The following ACLY variants were observed in gnomAD, a reference collection of about 807,000 sequenced individuals.
ACLY encodes the protein ATP citrate lyase, also known as ATP-citrate synthase.
ACLY carries 41 observed loss-of-function variants against 133.0 expected under a neutral mutation model. The observed-to-expected ratio is 0.31, with a 90% CI of 0.24 to 0.40. The LOEUF is 0.40. Ranked by LOEUF, ACLY falls within the 10% of genes least tolerant of loss-of-function variation. The pLI is 1.00. For synonymous variants in ACLY, 495 were observed against 549.3 expected, an observed-to-expected ratio of 0.90 and a Z score of 1.38; for missense variants, 1,046 against 1,453.8, an observed-to-expected ratio of 0.72 and a Z score of 4.56.
chr17:41,921,944 C>T (rs1165888867), upstream of ACLY, among the ~76,000 whole-genome samples: 3 of 152,156 alleles, frequency 2.0e-5, no homozygotes, highest in African/African-American at 7.2e-5. Flanking sequence ...GCCTGTAATC[C>T]CAGCACTTTG....
At position 41,897,757 on chromosome 17, in the gene ACLY, A is replaced by ATGGCAGGCTTGGCCTTCT; in HGVS notation, c.1403_1420dup (p.Lys468_Ala473dup). ...AAGCCTCAGGGAGTTACCTTGTGGC[A>ATGGCAGGCTTGGCCTTCT]TGGCAGGCTTGGCCTTCTTTGCAGG... On this transcript the variant is annotated inframe_insertion, in exon 13 of 29. Transcript: ENST00000352035. The ATGGCAGGCTTGGCCTTCT allele has an allele frequency of 1.2e-6, 2 of 1,612,878 alleles. No individual in the cohort carries two copies. The highest frequency in any genetic ancestry group is 1.7e-6 in the Non-Finnish European group (2 of 1,179,580).
chr17:41,883,364 A>C, intron 19 of ACLY, 132 bp from the exon 20 acceptor site: 1 of 671,804 alleles, frequency 1.5e-6, no homozygotes. Context: ...GACACAAGGA[A>C]GATTTCTAAA....
intron 26 of ACLY, 109 bp downstream of exon 26, chr17:41,869,365 T>C (rs1555624613): frequency 1.0e-6 from 1 of 966,144 alleles, no homozygotes; most frequent in African/African-American, 1.6e-5. Context: ...ATAACATTTC[T>C]AGAAAACTAG....
chr17:41,887,779 C>T, intron 16 of ACLY, 76 bp from the exon 17 acceptor site: 2 of 1,179,866 alleles, frequency 1.7e-6, no homozygotes, highest in Non-Finnish European at 1.3e-6. Flanking sequence ...GTTTAAGGGC[C>T]CACCTCCCAT....
chr17:41,927,700 C>G (rs1443470186), intron 1 of ACLY, among the ~76,000 whole-genome samples: 3 of 151,958 alleles, frequency 2.0e-5, no homozygotes, highest in Admixed American at 6.6e-5. Context: ...GTGGTGCACA[C>G]CTGTAGTCCC....
chr17:41,904,462 A>G, intron 10 of ACLY: 1 of 487,262 alleles, frequency 2.1e-6, no homozygotes, highest in Non-Finnish European at 3.7e-6. Context: ...CTGAGAAGGA[A>G]GAAAGCAGAA....
At chr17:41,909,453 G>C in intron 5 of ACLY, 57 bp downstream of exon 5, 1 of 1,574,820 alleles carries the variant, frequency 6.3e-7, no homozygotes, top group Non-Finnish European at 8.7e-7. Flanking sequence ...TCTGTGCCCA[G>C]AGCCTGTCGG....
In ACLY at chr17:41,878,151, G is replaced by C. The variant is rs983727579; in HGVS notation, c.2439C>G (p.Ala813=). The change falls in exon 22 of 29, where the codon GCC becomes GCG. Residue 813 remains alanine, a synonymous_variant. Transcript: ENST00000352035. ...DLVANGVIVP[A]QEVPPPTVPM... is the part of the protein sequence containing the mutation. ...GCACGGTTGGGGGCGGCACCTCCTG[G>C]GCAGGTACAATGACTCCATTGGCCA... 1.3e-6 allele frequency: 2 copies of C among 1,595,278 alleles called. No individual in the cohort carries two copies. The highest frequency in any genetic ancestry group is 3.5e-5 in the Admixed American group (2 of 57,814).
intron 4 of ACLY, 99 bp downstream of exon 4, chr17:41,910,123 G>T: frequency 8.0e-7 from 1 of 1,245,600 alleles, no homozygotes; most frequent in Non-Finnish European, 1.1e-6. Context: ...TGGTCCCTCT[G>T]ACTGTCCTCA....
At chr17:41,875,092 T>C (rs1485253899) in intron 22 of ACLY, among the ~76,000 whole-genome samples, 1 of 151,966 alleles carries the variant, frequency 6.6e-6, no homozygotes, top group African/African-American at 2.4e-5. Flanking sequence ...CTTATGCCTG[T>C]AATCTCAGCA....
At chr17:41,918,986 G>C (rs936312560), upstream of ACLY, 24 of 1,287,760 alleles carry the variant, frequency 1.9e-5, no homozygotes, top group East Asian at 5.6e-5. Context: ...CTTTTGTCCC[G>C]GCCCAGCCGG....
intron 7 of ACLY, 81 bp downstream of exon 7, chr17:41,907,361 G>A (rs1383758154): frequency 7.2e-7 from 1 of 1,383,772 alleles, no homozygotes; most frequent in Admixed American, 1.9e-5. Context: ...CTCATGAAGG[G>A]GGGCCAAATG....
At position 41,867,756 on chromosome 17, in the gene ACLY, T is replaced by C. The variant is rs2048501145; in HGVS notation, c.*54A>G. On this transcript the variant is annotated 3_prime_UTR_variant, in exon 29 of 29. Coordinates refer to ENST00000352035, the MANE Select transcript of ACLY (RefSeq NM_001096.3). ...CACTGCCAGCTGTCTGTACACTTTT[T>C]CTTGGGGGAAGAGATCTTGTCTTCA... 1.4e-6 allele frequency: 2 copies of C among 1,454,084 alleles called. No individual in the cohort carries two copies. Among genetic ancestry groups the C allele is most frequent in the Non-Finnish European group, 1.9e-6 (2 of 1,052,548 alleles). The allele number at this position is 1,454,084 out of a possible 1,614,324, so 90.1% of individuals were successfully genotyped here.
chr17:41,926,647 T>C (rs943410422), intron 1 of ACLY, among the ~76,000 whole-genome samples: 1 of 150,060 alleles, frequency 6.7e-6, no homozygotes, highest in Non-Finnish European at 1.5e-5. Flanking sequence ...TGCCACCATG[T>C]CCGGCTAATT....
chr17:41,917,000 G>A (rs1371136411), intron 1 of ACLY, among the ~76,000 whole-genome samples: 1 of 151,712 alleles, frequency 6.6e-6, no homozygotes. Context: ...AAAATTAGCC[G>A]GGCGTGGTGG....
chr17:41,900,658 G>C (rs2049512605), intron 11 of ACLY, among the ~76,000 whole-genome samples: 3 of 152,006 alleles, frequency 2.0e-5, no homozygotes, highest in African/African-American at 7.2e-5. Context: ...CCACAAGGTG[G>C]AGGCCGCAAT....
chr17:41,892,633 C>A (rs1555629569), intron 15 of ACLY, among the ~76,000 whole-genome samples, 186 bp from the exon 16 acceptor site: 1 of 151,974 alleles, frequency 6.6e-6, no homozygotes, highest in Admixed American at 6.6e-5. Flanking sequence ...ATGGGCAAAG[C>A]CTTCCCCAGC....
At chr17:41,872,816 G>A (rs1458427733) in intron 23 of ACLY, among the ~76,000 whole-genome samples, 1 of 152,182 alleles carries the variant, frequency 6.6e-6, no homozygotes. Context: ...CCTCATTCCT[G>A]TAGTATTCAA....
At chr17:41,912,612 A>G in intron 2 of ACLY, 70 bp from the exon 3 acceptor site, 1 of 1,587,036 alleles carries the variant, frequency 6.3e-7, no homozygotes, top group South Asian at 1.1e-5. Context: ...GGGGATCCAA[A>G]TAGAGGACAG....
Sources: gnomAD v4.1 joint callset for allele counts (sites outside exome capture counted in the v4.1 genomes callset) on GRCh38, gnomAD v4.1.1 for gene constraint, MANE v1.5 for transcripts, NCBI Gene and HGNC (gene_info 2026-07-23, HGNC 2026-07-21) for gene names.